The following DENND10 variants were observed in gnomAD, a reference collection of about 807,000 sequenced individuals.
DENND10 encodes DENN domain-containing protein 10.
DENND10 carries 24 observed loss-of-function variants against 43.6 expected under a neutral mutation model. That is an observed-to-expected ratio of 0.55 (90% CI 0.40 to 0.77). The LOEUF is 0.77. DENND10 is among the 30% of genes least tolerant of loss of function. The pLI is 0.00. For missense variants in DENND10, 303 were observed against 429.9 expected, an observed-to-expected ratio of 0.70 and a Z score of 2.61; for synonymous variants, 125 against 157.6, an observed-to-expected ratio of 0.79 and a Z score of 1.55.
At chr10:119,104,505 C>T (rs1844587954) in intron 1 of DENND10, among the ~76,000 whole-genome samples, 1 of 150,444 alleles carries the variant, frequency 6.6e-6, no homozygotes, top group Non-Finnish European at 1.5e-5. Flanking sequence ...CCGGCGGAGC[C>T]GGGACGTCGA....
chr10:119,107,284 T>C (rs2133452568), intron 1 of DENND10, among the ~76,000 whole-genome samples: 1 of 140,702 alleles, frequency 7.1e-6, no homozygotes, highest in Non-Finnish European at 1.5e-5. Flanking sequence ...TGGGTGACGG[T>C]GAGACTCCGC....
intron 1 of DENND10, 45 bp from the exon 2 acceptor site, chr10:119,107,923 T>TTGC: frequency 6.4e-7 from 1 of 1,561,402 alleles, no homozygotes; most frequent in Non-Finnish European, 8.8e-7. Flanking sequence ...ATTCACTTCC[T>TTGC]TGCTGCTGTT....
At chr10:119,117,773 C>G in intron 4 of DENND10, 106 bp downstream of exon 4, 1 of 1,116,616 alleles carries the variant, frequency 9.0e-7, no homozygotes, top group South Asian at 1.5e-5. Context: ...CGAGACCATC[C>G]TGGTTAACAT....
chr10:119,125,310 C>G (rs1845773209), intron 6 of DENND10, among the ~76,000 whole-genome samples: 1 of 148,016 alleles, frequency 6.8e-6, no homozygotes, highest in Non-Finnish European at 1.5e-5. Context: ...TTATCAGTGA[C>G]TTTTTTTTTT....
chr10:119,108,758 G>A (rs1308884301), intron 2 of DENND10, among the ~76,000 whole-genome samples: 1 of 150,984 alleles, frequency 6.6e-6, no homozygotes, highest in African/African-American at 2.4e-5. Flanking sequence ...GGGTTCAAGC[G>A]ATTCACCTGC....
chr10:119,104,398 G>A (rs1844581633), intron 1 of DENND10, among the ~76,000 whole-genome samples: 2 of 150,248 alleles, frequency 1.3e-5, no homozygotes, highest in South Asian at 4.4e-4. Context: ...GCCCTCGCCC[G>A]CCCGCCCGCG....
intron 3 of DENND10, 45 bp from the exon 4 acceptor site, chr10:119,117,474 T>G (rs761595472): frequency 6.3e-7 from 1 of 1,597,416 alleles, no homozygotes; most frequent in Non-Finnish European, 8.6e-7. Context: ...TGTACATGAT[T>G]TGTGCCAAAT....
Position 119,132,317 on chromosome 10 carries a change from A to G in DENND10, c.803-198A>G, listed in dbSNP as rs1189588160. On this transcript the variant is annotated intron_variant, in intron 7 of 8. Transcript: ENST00000361432. This position sits in a 1 kb window ranked among gnomAD's most constrained non-coding sequence, Gnocchi z 4.2. The stretch of plus-strand genomic sequence containing the variant: ...GTGTGATGTGTTTTTATGTTTGCCC[A>G]GAAGTATAAATCACGATTATATTAT... 1.3e-5 allele frequency among the ~76,000 whole-genome samples: 2 copies of G among 152,192 alleles called. No homozygotes were observed. The highest frequency in any genetic ancestry group is 2.9e-5 in the Non-Finnish European group (2 of 68,040).
intron 2 of DENND10, among the ~76,000 whole-genome samples, chr10:119,108,747 C>G (rs546746433): frequency 6.6e-6 from 1 of 151,006 alleles, no homozygotes; most frequent in Non-Finnish European, 1.5e-5. Flanking sequence ...CTCCGCCTCC[C>G]GGGTTCAAGC....
At chr10:119,135,590 T>C (rs886793377) in intron 8 of DENND10, among the ~76,000 whole-genome samples, 2 of 151,952 alleles carry the variant, frequency 1.3e-5, no homozygotes, top group East Asian at 3.9e-4. Flanking sequence ...ATATGAGCTA[T>C]CTAGAGCAGA....
rs993505083 is a variant in DENND10, at chr10:119,132,847, C to T, written c.897+238C>T. 1.5e-5 allele frequency: 7 copies of T among 477,150 alleles called. No homozygotes were observed. Among genetic ancestry groups the T allele is most frequent in the African/African-American group, 7.8e-5 (4 of 51,400 alleles). The allele number at this position is 477,150 out of a possible 1,614,324, so 29.6% of individuals were successfully genotyped here. Reference sequence around the variant, plus strand: ...CACAGGGGCTGGTGCTGACACCGACCGCTGGCAATGAGAAATGTAACTACC... The same window carrying T: ...CACAGGGGCTGGTGCTGACACCGACTGCTGGCAATGAGAAATGTAACTACC... On this transcript the variant is annotated intron_variant, in intron 8 of 8. Coordinates refer to ENST00000361432, the MANE Select transcript of DENND10 (RefSeq NM_207009.4). This position sits in a 1 kb window ranked among gnomAD's most constrained non-coding sequence, Gnocchi z 4.2.
At chr10:119,115,152 G>A (rs79506844) in intron 3 of DENND10, among the ~76,000 whole-genome samples, 3,642 of 152,126 alleles carry the variant, frequency 0.024, 138 homozygotes, top group African/African-American at 0.084. Context: ...AGAATATGCA[G>A]TGAAAACTGA....
intron 3 of DENND10, among the ~76,000 whole-genome samples, chr10:119,113,818 C>T (rs1589720527): frequency 6.6e-6 from 1 of 152,222 alleles, no homozygotes; most frequent in East Asian, 1.9e-4. Flanking sequence ...AAAAAGCTTC[C>T]TACTCTCATA....
At chr10:119,117,455 G>A in intron 3 of DENND10, 64 bp from the exon 4 acceptor site, 2 of 1,553,802 alleles carry the variant, frequency 1.3e-6, no homozygotes, top group Non-Finnish European at 1.8e-6. Context: ...ACCAGCCTGG[G>A]TGCACATCTG....
intron 5 of DENND10, among the ~76,000 whole-genome samples, chr10:119,121,396 T>G (rs1255916042): frequency 1.3e-5 from 2 of 151,112 alleles, no homozygotes; most frequent in African/African-American, 4.9e-5. Context: ...TTCTCCTGCC[T>G]CCGTTGAGAT....
chr10:119,136,218 C>G (rs1327283213), intron 8 of DENND10, among the ~76,000 whole-genome samples: 2 of 146,390 alleles, frequency 1.4e-5, no homozygotes, highest in Non-Finnish European at 3.0e-5. Flanking sequence ...TTTTGTTGTT[C>G]GTTTTTGAGA....
intron 4 of DENND10, among the ~76,000 whole-genome samples, chr10:119,118,057 A>G (rs1227238526): frequency 1.3e-5 from 2 of 152,168 alleles, no homozygotes; most frequent in East Asian, 3.8e-4. Context: ...ATTAGATCCT[A>G]TTGTGCCTAA....
chr10:119,134,558 G>C (rs1846225402), intron 8 of DENND10: 1 of 151,214 alleles, frequency 6.6e-6, no homozygotes, highest in Non-Finnish European at 1.5e-5. Context: ...TCACCATGTT[G>C]GTCAGGCTGG....
At chr10:119,130,451 T>C (rs1490442711) in intron 7 of DENND10, among the ~76,000 whole-genome samples, 1 of 152,144 alleles carries the variant, frequency 6.6e-6, no homozygotes, top group Non-Finnish European at 1.5e-5. Context: ...TGTGAGCCAC[T>C]GCGCCTGGCC....
Sources: allele counts gnomAD v4.1 joint callset (sites outside exome capture counted in the v4.1 genomes callset), GRCh38; gene constraint gnomAD v4.1.1; non-coding constraint Gnocchi (gnomAD v3.1); transcripts MANE v1.5; gene names NCBI Gene and HGNC (gene_info 2026-07-23, HGNC 2026-07-21).